Variants in SOBP observed in about 807,000 individuals in gnomAD.
The protein encoded by SOBP is sine oculis binding protein homolog.
A neutral mutation model predicts 53.6 loss-of-function variants in SOBP; 4 were observed. That is an observed-to-expected ratio of 0.07 (90% confidence interval 0.04 to 0.17). SOBP has a LOEUF of 0.17. Among genes scored for constraint, SOBP ranks in the 10% least tolerant of loss-of-function variants. The probability of loss-of-function intolerance (pLI) is 1.00; values close to 1 mark genes in which losing one functional copy is unlikely to be tolerated. For missense variants in SOBP, 1,088 were observed against 1,204.7 expected (o/e 0.90, Z 1.43); for synonymous variants, 584 against 522.6 (o/e 1.12, Z -1.60).
intron 6 of SOBP, among the ~76,000 whole-genome samples, chr6:107,649,333 A>C (rs1771702634): frequency 6.6e-6 from 1 of 151,928 alleles, no homozygotes; most frequent in Non-Finnish European, 1.5e-5. Flanking sequence ...AATCAGAAAA[A>C]AATTAGCCAG....
chr6:107,546,709 AAAAAC>A (rs1305939962), intron 4 of SOBP, among the ~76,000 whole-genome samples: 31 of 151,666 alleles, frequency 2.0e-4, no homozygotes, highest in Non-Finnish European at 4.4e-5. Flanking sequence ...CTCCTTTGAG[AAAAAC>A]AAAACAAACA....
chr6:107,617,084 C>T (rs969725265), intron 5 of SOBP, among the ~76,000 whole-genome samples: 3 of 152,158 alleles, frequency 2.0e-5, no homozygotes, highest in African/African-American at 4.8e-5. Context: ...GGTTCACCCG[C>T]ACACCTAAAG....
chr6:107,509,450 G>C (rs1430796148), intron 3 of SOBP, among the ~76,000 whole-genome samples: 1 of 150,326 alleles, frequency 6.7e-6, no homozygotes, highest in African/African-American at 2.4e-5. Flanking sequence ...CCTTAGCATA[G>C]TGCCTGCCTC....
intron 6 of SOBP, among the ~76,000 whole-genome samples, chr6:107,643,525 T>C (rs976883383): frequency 3.3e-5 from 5 of 152,282 alleles, no homozygotes; most frequent in African/African-American, 1.2e-4. Context: ...CAAGCAATTC[T>C]CCTGCCTCAG....
At chr6:107,549,882 A>G (rs1784415318) in intron 4 of SOBP, among the ~76,000 whole-genome samples, 1 of 151,820 alleles carries the variant, frequency 6.6e-6, no homozygotes, top group Non-Finnish European at 1.5e-5. Flanking sequence ...TATCACCTGC[A>G]CTCTCCAGGG....
intron 5 of SOBP, among the ~76,000 whole-genome samples, chr6:107,606,323 C>A (rs113101050): frequency 6.6e-6 from 1 of 151,992 alleles, no homozygotes; most frequent in African/African-American, 2.4e-5. Context: ...GTGATCCACC[C>A]GCCTTGGCCT....
chr6:107,529,511 A>G (rs1583177289), intron 3 of SOBP: 1 of 985,422 alleles, frequency 1.0e-6, no homozygotes, highest in Non-Finnish European at 1.2e-6. Flanking sequence ...ATTTCCCCTC[A>G]GTCTTGGACT....
chr6:107,645,509 GAACTA>G (rs1167705052), intron 6 of SOBP, among the ~76,000 whole-genome samples: 1 of 141,162 alleles, frequency 7.1e-6, no homozygotes, highest in Non-Finnish European at 1.5e-5. Flanking sequence ...TTGATTTGAA[GAACTA>G]ATAACCTACT....
intron 5 of SOBP, among the ~76,000 whole-genome samples, chr6:107,603,772 C>CA: frequency 6.6e-6 from 1 of 152,326 alleles, no homozygotes; most frequent in East Asian, 1.9e-4. Flanking sequence ...GGGCTAGACT[C>CA]AGAGGGTGCC....
intron 6 of SOBP, among the ~76,000 whole-genome samples, chr6:107,656,816 T>C (rs1486365109): frequency 6.6e-6 from 1 of 152,254 alleles, no homozygotes; most frequent in African/African-American, 2.4e-5. Context: ...CTGTATTATC[T>C]CTGGGGTCCC....
chr6:107,490,863 C>T (rs1782562435), intron 1 of SOBP, 151 bp downstream of exon 1: 1 of 651,750 alleles, frequency 1.5e-6, no homozygotes, highest in Non-Finnish European at 2.8e-6. Context: ...AGGTGTAAAG[C>T]AGAGGCCAAC....
intron 5 of SOBP, among the ~76,000 whole-genome samples, chr6:107,623,019 T>C (rs1770251216): frequency 6.6e-6 from 1 of 152,148 alleles, no homozygotes; most frequent in Non-Finnish European, 1.5e-5. Flanking sequence ...CTGATTAATC[T>C]AGGGTAGAGC....
At chr6:107,562,392 G>C (rs1304812900) in intron 4 of SOBP, among the ~76,000 whole-genome samples, 1 of 152,202 alleles carries the variant, frequency 6.6e-6, no homozygotes, top group Admixed American at 6.5e-5. Context: ...GTTAAAAAAA[G>C]TTTGTCTTTA....
chr6:107,609,367 G>T lies in SOBP; in HGVS notation c.669+22192G>T, dbSNP rs886661631. ...CACCACTTCAGAGAGGTATGTATAGGCTGTCAAAGGAGATAGGATTTTATA... is the reference window on the plus strand; with the variant it reads ...CACCACTTCAGAGAGGTATGTATAGTCTGTCAAAGGAGATAGGATTTTATA... On this transcript the variant is annotated intron_variant, in intron 5 of 6. Transcript: ENST00000317357. Among the ~76,000 whole-genome samples, 6 of 152,268 alleles carry T rather than the reference G, an allele frequency of 3.9e-5. No homozygotes were observed. In the East Asian group the frequency reaches 7.7e-4, roughly 20 times the overall value.
At chr6:107,532,889 C>T (rs968855693) in intron 3 of SOBP, among the ~76,000 whole-genome samples, 8 of 152,166 alleles carry the variant, frequency 5.3e-5, no homozygotes, top group East Asian at 1.9e-4. Flanking sequence ...AATCTGGCCA[C>T]GCACATCTTT....
intron 6 of SOBP, among the ~76,000 whole-genome samples, chr6:107,649,667 TAA>T (rs11317552): frequency 4.2e-4 from 58 of 139,092 alleles, no homozygotes; most frequent in Admixed American, 1.2e-3. Context: ...GTGTGTTTGT[TAA>T]AAAAAAAAAA....
chr6:107,646,093 G>A (rs1451844147), intron 6 of SOBP, among the ~76,000 whole-genome samples: 1 of 152,250 alleles, frequency 6.6e-6, no homozygotes, highest in African/African-American at 2.4e-5. Flanking sequence ...GCAGCTCTTT[G>A]TAGACTGAAA....
chr6:107,596,390 T>A (rs1313010720), intron 5 of SOBP, among the ~76,000 whole-genome samples: 1 of 152,052 alleles, frequency 6.6e-6, no homozygotes, highest in African/African-American at 2.4e-5. Context: ...ATATATGCAA[T>A]AACATATCTC....
intron 4 of SOBP, among the ~76,000 whole-genome samples, chr6:107,544,683 A>G (rs9400123): frequency 0.1 from 15,667 of 152,248 alleles, 1,018 homozygotes; most frequent in East Asian, 0.25. Flanking sequence ...TGGCATTGAT[A>G]TGCGCTTTCT....
Sources: gnomAD v4.1 joint callset for allele counts (sites outside exome capture counted in the v4.1 genomes callset) on GRCh38, gnomAD v4.1.1 for gene constraint, MANE v1.5 for transcripts, NCBI Gene and HGNC (gene_info 2026-07-23, HGNC 2026-07-21) for gene names.